Variants in AMN1 observed in about 807,000 individuals in gnomAD.
AMN1 encodes protein AMN1 homolog.
A neutral mutation model predicts 33.0 loss-of-function variants in AMN1; 20 were observed. The ratio of observed to expected loss-of-function variants is 0.61; its 90% CI spans 0.43 to 0.88. The LOEUF is 0.88. Among genes scored for constraint, AMN1 ranks in the 40% least tolerant of loss-of-function variants. The pLI is 0.00. For missense variants in AMN1, 246 were observed against 307.4 expected, an observed-to-expected ratio of 0.80 and a Z score of 1.49; for synonymous variants, 114 against 111.9, an observed-to-expected ratio of 1.02 and a Z score of -0.12.
chr12:31,710,958 G>T (rs1009748341), intron 1 of AMN1, among the ~76,000 whole-genome samples: 1 of 152,118 alleles, frequency 6.6e-6, no homozygotes, highest in Non-Finnish European at 1.5e-5. Flanking sequence ...CACCCAGGCT[G>T]GAGTGCAGTG....
intron 4 of AMN1, 36 bp from the exon 5 acceptor site, chr12:31,697,453 C>A: frequency 6.3e-7 from 1 of 1,597,726 alleles, no homozygotes; most frequent in Non-Finnish European, 8.5e-7. Context: ...GTCCATGAAT[C>A]CAGACAACGG....
rs181438001 is a variant in AMN1 at position 31,676,086 on chromosome 12, C to T, written c.704-3709G>A. On this transcript the variant is annotated intron_variant, in intron 6 of 6. Coordinates refer to ENST00000281471, the MANE Select transcript of AMN1 (RefSeq NM_001113402.2). Reference sequence around the variant, plus strand: ...CCAAAAATGAACTAGAAAATAACTCCATTTATGTTACCATCAAAAAGAATA... The same window carrying T: ...CCAAAAATGAACTAGAAAATAACTCTATTTATGTTACCATCAAAAAGAATA... Among the ~76,000 whole-genome samples the T allele has an allele frequency of 2.6e-5, 4 of 151,754 alleles. No homozygotes were observed. The East Asian group carries it at 7.7e-4, about 29-fold the overall frequency.
At chr12:31,719,469 G>A (rs1939801001) in intron 1 of AMN1, 1 of 212,310 alleles carries the variant, frequency 4.7e-6, no homozygotes, top group Non-Finnish European at 8.1e-6. Context: ...AATTATATTT[G>A]TTCTGGAATA....
At chr12:31,703,035 C>T (rs1939075560) in intron 2 of AMN1, among the ~76,000 whole-genome samples, 2 of 152,240 alleles carry the variant, frequency 1.3e-5, no homozygotes, top group African/African-American at 2.4e-5. Flanking sequence ...CTGTGCCTGG[C>T]CTACATTATG....
chr12:31,712,750 G>A (rs1399468328), intron 1 of AMN1, among the ~76,000 whole-genome samples: 1 of 152,022 alleles, frequency 6.6e-6, no homozygotes, highest in African/African-American at 2.4e-5. Context: ...CTGCCTTCCG[G>A]GTTCAAGCAA....
intron 6 of AMN1, among the ~76,000 whole-genome samples, chr12:31,678,693 C>A (rs1303035950): frequency 1.5e-4 from 23 of 152,130 alleles, no homozygotes. Context: ...CCACCGTGCC[C>A]GGCCAAAGAA....
At chr12:31,689,732 C>A (rs1280332531) in intron 5 of AMN1, among the ~76,000 whole-genome samples, 1 of 152,136 alleles carries the variant, frequency 6.6e-6, no homozygotes, top group Non-Finnish European at 1.5e-5. Context: ...ACCCAAATGT[C>A]CATCAAATGA....
chr12:31,684,762 C>T (rs1042011834), intron 6 of AMN1, among the ~76,000 whole-genome samples: 7 of 152,074 alleles, frequency 4.6e-5, no homozygotes, highest in Non-Finnish European at 7.4e-5. Context: ...TGAGCCACCG[C>T]GCCCGGCCTG....
At chr12:31,695,766 C>T (rs926756339) in intron 5 of AMN1, among the ~76,000 whole-genome samples, 20 of 151,048 alleles carry the variant, frequency 1.3e-4, no homozygotes, top group African/African-American at 4.4e-4. Context: ...GGATTATAGG[C>T]GTGAGCCACC....
chr12:31,679,453 C>T (rs186192137), intron 6 of AMN1, among the ~76,000 whole-genome samples: 14 of 152,224 alleles, frequency 9.2e-5, no homozygotes, highest in African/African-American at 3.4e-4. Context: ...ATCGCTTGAA[C>T]CTGGGAGGCG....
At chr12:31,723,532 G>A (rs899747350) in intron 1 of AMN1, among the ~76,000 whole-genome samples, 4 of 152,036 alleles carry the variant, frequency 2.6e-5, no homozygotes, top group Admixed American at 6.6e-5. Flanking sequence ...GGATGGTCTC[G>A]ATCTCCTGAC....
At chr12:31,678,461 A>G (rs11051526) in intron 6 of AMN1, among the ~76,000 whole-genome samples, 12,355 of 151,046 alleles carry the variant, frequency 0.082, 658 homozygotes, top group Non-Finnish European at 0.12. Flanking sequence ...CAATGGTGTC[A>G]TCTCAGCTCA....
chr12:31,706,311 CAAAAAAAAAAA>C (rs3032986), intron 2 of AMN1, among the ~76,000 whole-genome samples: 1 of 66,028 alleles, frequency 1.5e-5, no homozygotes, highest in Non-Finnish European at 3.0e-5. Flanking sequence ...GACTCCGTCT[CAAAAAAAAAAA>C]AAAAAAAAAA....
intron 6 of AMN1, among the ~76,000 whole-genome samples, chr12:31,688,688 G>A (rs1025906215): frequency 3.3e-5 from 5 of 152,134 alleles, no homozygotes; most frequent in Non-Finnish European, 1.5e-5. Context: ...GCGTGCACCT[G>A]TAGTCCCAGC....
intron 5 of AMN1, among the ~76,000 whole-genome samples, chr12:31,693,757 G>A (rs1938602729): frequency 1.3e-5 from 2 of 151,484 alleles, no homozygotes; most frequent in South Asian, 2.1e-4. Context: ...GGTCAGGCTG[G>A]TCTCAAACTC....
At chr12:31,680,135 A>AG (rs1325189175) in intron 6 of AMN1, among the ~76,000 whole-genome samples, 1 of 151,810 alleles carries the variant, frequency 6.6e-6, no homozygotes, top group East Asian at 1.9e-4. Context: ...AAAAAAAAAA[A>AG]AGATTTAGTA....
chr12:31,712,038 A>AT (rs1939486872), intron 1 of AMN1, among the ~76,000 whole-genome samples: 1 of 150,890 alleles, frequency 6.6e-6, no homozygotes, highest in African/African-American at 2.4e-5. Flanking sequence ...GAATTCATTC[A>AT]TTCCCCCCTC....
In AMN1 at chr12:31,680,758, A is replaced by C. The variant is rs1012578155; in HGVS notation, c.703+8249T>G. ...TTGCTTTGAGGGTAACAATATTATAATTGCACATGCATATGCAAGTATAGT... is the reference window on the plus strand; with the variant it reads ...TTGCTTTGAGGGTAACAATATTATACTTGCACATGCATATGCAAGTATAGT... On this transcript the variant is annotated intron_variant, in intron 6 of 6. Coordinates refer to ENST00000281471, the MANE Select transcript of AMN1 (RefSeq NM_001113402.2). 7.2e-5 allele frequency among the ~76,000 whole-genome samples: 11 copies of C among 152,324 alleles called. 1 individual carries two copies. The highest frequency in any genetic ancestry group is 1.9e-4 in the East Asian group (1 of 5,194).
chr12:31,693,053 T>C (rs1938572219), intron 5 of AMN1, among the ~76,000 whole-genome samples: 1 of 152,064 alleles, frequency 6.6e-6, no homozygotes, highest in East Asian at 1.9e-4. Flanking sequence ...TAAGTGCTTG[T>C]TGATCTTTTT....
Sources: gnomAD v4.1 joint callset for allele counts (sites outside exome capture counted in the v4.1 genomes callset) on GRCh38, gnomAD v4.1.1 for gene constraint, MANE v1.5 for transcripts, NCBI Gene and HGNC (gene_info 2026-07-23, HGNC 2026-07-21) for gene names.